RXFP2: variants seen among roughly 807,000 people sequenced by gnomAD.
The protein encoded by RXFP2 is relaxin receptor 2.
A neutral mutation model predicts 88.6 loss-of-function variants in RXFP2; 68 were observed. The ratio of observed to expected loss-of-function variants is 0.77; its 90% CI spans 0.63 to 0.94. RXFP2 has a LOEUF of 0.94. Ranked by LOEUF, RXFP2 falls within the 40% of genes least tolerant of loss-of-function variation. RXFP2 has a pLI of 0.00. For synonymous variants in RXFP2, 329 were observed against 306.8 expected (o/e 1.07, Z -0.76); for missense variants, 791 against 893.9 (o/e 0.88, Z 1.47).
At chr13:31,793,645 T>C (rs1348853128) in intron 16 of RXFP2, among the ~76,000 whole-genome samples, 3 of 152,214 alleles carry the variant, frequency 2.0e-5, no homozygotes, top group Non-Finnish European at 2.9e-5. Flanking sequence ...AGACTCTGTG[T>C]TCTTTAGAAA....
intron 2 of RXFP2, among the ~76,000 whole-genome samples, chr13:31,761,368 C>T (rs951424319): frequency 1.3e-5 from 2 of 152,010 alleles, no homozygotes; most frequent in Admixed American, 6.6e-5. Flanking sequence ...GCAGTATGCA[C>T]GTGACAAAAA....
intron 5 of RXFP2, among the ~76,000 whole-genome samples, chr13:31,769,739 G>A (rs1340039109): frequency 6.6e-6 from 1 of 152,212 alleles, no homozygotes; most frequent in African/African-American, 2.4e-5. Context: ...GCTGCTAAGT[G>A]ATGTGTGTGC....
intron 10 of RXFP2, among the ~76,000 whole-genome samples, 177 bp downstream of exon 10, chr13:31,781,919 A>G (rs1873300911): frequency 6.6e-6 from 1 of 152,144 alleles, no homozygotes; most frequent in African/African-American, 2.4e-5. Context: ...CTGAGCCTCA[A>G]GTTAAGGTGC....
At chr13:31,772,919 C>G (rs1054154465) in intron 5 of RXFP2, among the ~76,000 whole-genome samples, 1 of 152,216 alleles carries the variant, frequency 6.6e-6, no homozygotes, top group Admixed American at 6.5e-5. Context: ...GTAAAATATA[C>G]ATTCCATTTT....
At chr13:31,759,570 G>T (rs1420362326) in intron 2 of RXFP2, among the ~76,000 whole-genome samples, 2 of 151,924 alleles carry the variant, frequency 1.3e-5, no homozygotes, top group African/African-American at 2.4e-5. Context: ...GTGAACAGGG[G>T]TATACACATG....
intron 1 of RXFP2, 131 bp from the exon 2 acceptor site, chr13:31,758,127 T>G (rs1459589093): frequency 1.1e-6 from 1 of 905,064 alleles, no homozygotes; most frequent in Non-Finnish European, 1.8e-6. Flanking sequence ...AGAATATTAT[T>G]CAAAGAAACT....
chr13:31,746,937 T>C (rs187599364), intron 1 of RXFP2, among the ~76,000 whole-genome samples: 3 of 152,348 alleles, frequency 2.0e-5, no homozygotes, highest in Non-Finnish European at 4.4e-5. Context: ...ATGATAGTTA[T>C]GTAAACTTTC....
At chr13:31,755,702 G>A (rs186495412) in intron 1 of RXFP2, among the ~76,000 whole-genome samples, 35 of 152,212 alleles carry the variant, frequency 2.3e-4, no homozygotes, top group Non-Finnish European at 3.8e-4. Flanking sequence ...CTCTCCCTGC[G>A]TGAACAGGTT....
At chr13:31,793,497 A>G (rs926425954) in intron 16 of RXFP2, among the ~76,000 whole-genome samples, 22 of 152,000 alleles carry the variant, frequency 1.4e-4, no homozygotes, top group African/African-American at 5.3e-4. Context: ...GAAACTGACA[A>G]GTAAGAGATA....
rs370420573 is a variant in RXFP2, at chr13:31,744,038, G to A, written c.94+4332G>A. Among the ~76,000 whole-genome samples, 746 of 152,170 alleles carry A rather than the reference G, an allele frequency of 4.9e-3. 13 individuals are homozygous for A. Among genetic ancestry groups the A allele is most frequent in the African/African-American group, 0.017 (705 of 41,506 alleles). On this transcript the variant is annotated intron_variant, in intron 1 of 17. Transcript: ENST00000298386. ...CGAGCTCCCTCCCCAGGGGCTTCCT[G>A]GATCTTCTTTGTCTCCCTTTTTTGG...
chr13:31,754,278 C>T (rs780252931), intron 1 of RXFP2, among the ~76,000 whole-genome samples: 43 of 152,334 alleles, frequency 2.8e-4, no homozygotes, highest in Non-Finnish European at 5.7e-4. Context: ...CACCTGCAAT[C>T]TCAGCACTTT....
chr13:31,786,737 T>A, intron 13 of RXFP2, 100 bp downstream of exon 13: 1 of 742,074 alleles, frequency 1.3e-6, no homozygotes. Context: ...GAGCATGCAT[T>A]TCAGACAACT....
intron 9 of RXFP2, 68 bp from the exon 10 acceptor site, chr13:31,781,603 A>G: frequency 8.8e-7 from 1 of 1,138,786 alleles, no homozygotes; most frequent in Non-Finnish European, 1.3e-6. Context: ...TAACCATTTT[A>G]AAAAGTATCT....
At chr13:31,782,800 A>G in intron 11 of RXFP2, 53 bp downstream of exon 11, 1 of 1,175,808 alleles carries the variant, frequency 8.5e-7, no homozygotes, top group Non-Finnish European at 1.3e-6. Context: ...GAGATTATAA[A>G]TTTAAATGAC....
intron 13 of RXFP2, among the ~76,000 whole-genome samples, chr13:31,787,637 C>G (rs1873605578): frequency 6.6e-6 from 1 of 151,612 alleles, no homozygotes; most frequent in Non-Finnish European, 1.5e-5. Flanking sequence ...GTTTTTCTTT[C>G]TTTCTTTCTT....
intron 11 of RXFP2, among the ~76,000 whole-genome samples, chr13:31,784,212 A>G (rs1184340664): frequency 6.6e-6 from 1 of 151,984 alleles, no homozygotes; most frequent in Non-Finnish European, 1.5e-5. Context: ...TTCGCATCCT[A>G]CATATAGGCA....
chr13:31,801,423 G>A (rs1266571086), intron 17 of RXFP2, among the ~76,000 whole-genome samples: 2 of 151,890 alleles, frequency 1.3e-5, no homozygotes, highest in South Asian at 2.1e-4. Context: ...TAAGTGATTC[G>A]CTCACACTCA....
At chr13:31,780,108 G>A (rs1873195110) in intron 9 of RXFP2, among the ~76,000 whole-genome samples, 1 of 152,202 alleles carries the variant, frequency 6.6e-6, no homozygotes, top group Non-Finnish European at 1.5e-5. Context: ...CAGGAGGTGA[G>A]GAACCAGCCT....
intron 13 of RXFP2, among the ~76,000 whole-genome samples, chr13:31,787,829 C>T (rs1450734565): frequency 1.3e-5 from 2 of 152,138 alleles, no homozygotes; most frequent in Non-Finnish European, 2.9e-5. Flanking sequence ...TTAGTAGAGA[C>T]AGGGTTTCAT....
Sources: gnomAD v4.1 joint callset for allele counts (sites outside exome capture counted in the v4.1 genomes callset) on GRCh38, gnomAD v4.1.1 for gene constraint, MANE v1.5 for transcripts, NCBI Gene and HGNC (gene_info 2026-07-23, HGNC 2026-07-21) for gene names.